DAB2: variants seen among roughly 807,000 people sequenced by gnomAD.
The protein encoded by DAB2 is DAB adaptor protein 2, also known as disabled homolog 2.
DAB2 carries 28 observed loss-of-function variants against 71.6 expected under a neutral mutation model. The observed-to-expected ratio is 0.39, with a 90% confidence interval of 0.29 to 0.54. The LOEUF is 0.54. DAB2 is among the 20% of genes least tolerant of loss of function. The probability of loss-of-function intolerance (pLI) is 0.68; values close to 1 mark genes in which losing one functional copy is unlikely to be tolerated. For missense variants in DAB2, 867 were observed against 928.8 expected (o/e 0.93, Z 0.86); for synonymous variants, 345 against 339.7 (o/e 1.02, Z -0.17).
rs1488218253 is a variant in DAB2 at position 39,372,428 on chromosome 5, T to C, written c.*1003A>G. 4 of 152,206 alleles carry C rather than the reference T, an allele frequency of 2.6e-5. No homozygotes were observed. Among genetic ancestry groups the C allele is most frequent in the Non-Finnish European group, 5.9e-5 (4 of 68,040 alleles). 9.4% of individuals were successfully genotyped at this position (152,206 alleles called of 1,614,324 possible). A position where few individuals can be genotyped will look rare whatever the true frequency, so the allele number is the denominator to read the frequency against. ...CACATTTAGCTTTGTGATATGTTGCTCTTCAAAATAGAGTCCTTTGTTGCT... is the reference window on the plus strand; with the variant it reads ...CACATTTAGCTTTGTGATATGTTGCCCTTCAAAATAGAGTCCTTTGTTGCT... On this transcript the variant is annotated 3_prime_UTR_variant, in exon 15 of 15. Transcript: ENST00000320816.
At chr5:39,420,911 G>A (rs1755967532) in intron 1 of DAB2, among the ~76,000 whole-genome samples, 1 of 152,144 alleles carries the variant, frequency 6.6e-6, no homozygotes, top group African/African-American at 2.4e-5. Context: ...GGCAAGGATA[G>A]TATGGGGCCT....
chr5:39,388,843 C>G lies in DAB2; in HGVS notation c.580G>C (p.Glu194Gln), dbSNP rs1300752226. 1.2e-6 allele frequency: 2 copies of G among 1,612,700 alleles called. No homozygotes were observed. Among genetic ancestry groups the G allele is most frequent in the East Asian group, 4.5e-5 (2 of 44,862 alleles). The change falls in exon 8 of 15, where the codon GAG (glutamate) becomes CAG (glutamine). Residue 194 changes from glutamate to glutamine, a missense_variant. Coordinates refer to ENST00000320816, the MANE Select transcript of DAB2 (RefSeq NM_001343.4). ...TGGTCATCTAGAATCATTAGGGCCT[C>G]ACTCCCATTCTGAAAAGATAGCAAA... ...EASKAVENGS[E>Q]ALMILDDQTN... is the part of the protein sequence containing the mutation.
At chr5:39,417,436 A>C (rs1579928964) in intron 1 of DAB2, 1 of 152,128 alleles carries the variant, frequency 6.6e-6, no homozygotes, top group Admixed American at 6.5e-5. Context: ...AGAGTTCTTT[A>C]GGCATATCCT....
chr5:39,417,836 A>G (rs1755883534), intron 1 of DAB2: 1 of 152,218 alleles, frequency 6.6e-6, no homozygotes, highest in South Asian at 2.1e-4. Flanking sequence ...GCTATCCTTT[A>G]GAAGACAGCG....
At chr5:39,412,130 A>G (rs761552737) in intron 1 of DAB2, among the ~76,000 whole-genome samples, 28 of 152,114 alleles carry the variant, frequency 1.8e-4, no homozygotes, top group Non-Finnish European at 3.1e-4. Flanking sequence ...TAAGGGGGAA[A>G]AAAACAAATG....
chr5:39,383,145 C>G lies in DAB2; in HGVS notation c.814G>C (p.Ala272Pro), dbSNP rs1755021666. ...AAGGCATTTTCAGGCAAGAAGGATG[C>G]CTGAGGCGTTGGTCGAGGAAGAGAA... ...SCSLPRPTPQ[A>P]SFLPENAFSA... is the part of the protein sequence containing the mutation. Residue 272 changes from alanine to proline, a missense_variant, in exon 10 of 15, where the codon GCA (alanine) becomes CCA (proline). Ala to Pro is a conservative substitution (Grantham distance 27). Around this residue, in one of 2 missense-constraint regions of DAB2, gnomAD observed 740 missense variants for 734.3 expected, o/e 1.01. Transcript: ENST00000320816. 3.1e-6 allele frequency: 5 copies of G among 1,614,010 alleles called. No homozygotes were observed. The African/African-American group carries it at 4.0e-5, about 13-fold the overall frequency.
chr5:39,389,822 T>G, intron 6 of DAB2, 30 bp downstream of exon 6: 1 of 1,334,374 alleles, frequency 7.5e-7, no homozygotes. Flanking sequence ...AGTTTTAAAT[T>G]TAATAGAGCC....
At chr5:39,385,745 T>A (rs1755086283) in intron 9 of DAB2, among the ~76,000 whole-genome samples, 1 of 152,152 alleles carries the variant, frequency 6.6e-6, no homozygotes, top group African/African-American at 2.4e-5. Flanking sequence ...CCATTCCAGT[T>A]TGTCAGACTG....
chr5:39,409,397 C>T lies in DAB2; in HGVS notation c.-101-14976G>A, dbSNP rs550429292. Among the ~76,000 whole-genome samples, 103 of 152,170 alleles carry T rather than the reference C, an allele frequency of 6.8e-4. 1 individual carries two copies. The highest frequency in any genetic ancestry group is 2.3e-3 in the African/African-American group (97 of 41,528). Reference sequence around the variant, plus strand: ...GCACAATTGGAGCATTTACATTGAACAACAAAGTGTTCTAATGTATTGAAA... The same window carrying T: ...GCACAATTGGAGCATTTACATTGAATAACAAAGTGTTCTAATGTATTGAAA... On this transcript the variant is annotated intron_variant, in intron 1 of 14. Transcript: ENST00000320816.
Position 39,414,714 on chromosome 5 carries a change from AGG to A in DAB2, c.-102+10088_-102+10089del, listed in dbSNP as rs72235087. Among the ~76,000 whole-genome samples the A allele has an allele frequency of 4.8e-3, 668 of 139,782 alleles. 6 individuals carry two copies. Among genetic ancestry groups the A allele is most frequent in the African/African-American group, 7.1e-3 (275 of 38,684 alleles). The allele number at this position is 139,782 out of a possible 152,430, so 91.7% of individuals were successfully genotyped here. ...TATAAATAACCTTAAAGTTAAAAAA[AGG>A]GGGGGGGGTGGTCAGAATTGTTTTA... On this transcript the variant is annotated intron_variant, in intron 1 of 14. Transcript: ENST00000320816.
intron 7 of DAB2, 41 bp downstream of exon 7, chr5:39,389,056 G>A: frequency 1.2e-6 from 2 of 1,601,636 alleles, no homozygotes; most frequent in Admixed American, 1.7e-5. Flanking sequence ...GCTTACGCAT[G>A]TCACACACAT....
chr5:39,418,897 C>T (rs572111621), intron 1 of DAB2, among the ~76,000 whole-genome samples: 14 of 152,144 alleles, frequency 9.2e-5, no homozygotes, highest in South Asian at 2.1e-4. Context: ...ATTTTAAAAT[C>T]GAGGCAACTC....
At chr5:39,396,663 G>T (rs1388025302) in intron 1 of DAB2, among the ~76,000 whole-genome samples, 1 of 152,192 alleles carries the variant, frequency 6.6e-6, no homozygotes, top group East Asian at 1.9e-4. Context: ...ATTCAGATGG[G>T]ACTGCAACTG....
intron 14 of DAB2, among the ~76,000 whole-genome samples, chr5:39,374,435 C>G (rs1019736693): frequency 6.6e-6 from 1 of 152,158 alleles, no homozygotes; most frequent in Admixed American, 6.6e-5. Flanking sequence ...GTTCATGAGA[C>G]AGAAGAATCA....
At chr5:39,405,495 A>T (rs1755590654) in intron 1 of DAB2, among the ~76,000 whole-genome samples, 1 of 152,228 alleles carries the variant, frequency 6.6e-6, no homozygotes, top group South Asian at 2.1e-4. Flanking sequence ...CATTGCTGGC[A>T]CTGAATCATT....
intron 9 of DAB2, among the ~76,000 whole-genome samples, chr5:39,385,876 A>G (rs750475389): frequency 1.4e-4 from 22 of 152,176 alleles, no homozygotes; most frequent in Admixed American, 3.9e-4. Context: ...TAGCCCAACT[A>G]TGATCTATTT....
chr5:39,388,666 A>G (rs764073846), intron 8 of DAB2, 133 bp downstream of exon 8: 7 of 742,802 alleles, frequency 9.4e-6, no homozygotes, highest in Non-Finnish European at 1.6e-5. Flanking sequence ...TTACACTAAT[A>G]TTTTGAAAAA....
Position 39,389,103 on chromosome 5 carries a change from T to A in DAB2, c.564A>T (p.Ala188=), listed in dbSNP as rs746414175. 1 of 1,613,180 alleles carries A rather than the reference T, an allele frequency of 6.2e-7. No homozygotes were observed. Among genetic ancestry groups the A allele is most frequent in the East Asian group, 2.2e-5 (1 of 44,870 alleles). The change falls in exon 7 of 15, where the codon GCA becomes GCT. Residue 188 remains alanine, a synonymous_variant. Transcript: ENST00000320816. ...EKKKIEEASK[A]VENGSEALMI... ...AGTAAAGATGCAATTTTACCTCAACTGCTTTGCTGGCTTCCTCTATCTAAA... is the reference window on the plus strand; with the variant it reads ...AGTAAAGATGCAATTTTACCTCAACAGCTTTGCTGGCTTCCTCTATCTAAA...
chr5:39,384,984 GA>G (rs553184619), intron 9 of DAB2, among the ~76,000 whole-genome samples: 25 of 149,920 alleles, frequency 1.7e-4, no homozygotes, highest in African/African-American at 5.4e-4. Context: ...GCTTTTAAAA[GA>G]AAAAAAAATA....
Sources: allele counts gnomAD v4.1 joint callset (sites outside exome capture counted in the v4.1 genomes callset), GRCh38; gene constraint gnomAD v4.1.1; regional missense constraint gnomAD v4.1.1; transcripts MANE v1.5; gene names NCBI Gene and HGNC (gene_info 2026-07-23, HGNC 2026-07-21).